Variants in MYOCD observed in about 807,000 individuals in gnomAD.
The protein encoded by MYOCD is myocardin.
A neutral mutation model predicts 96.1 loss-of-function variants in MYOCD; 32 were observed. That is an observed-to-expected ratio of 0.33 (90% CI 0.25 to 0.45). The LOEUF (loss-of-function observed/expected upper bound fraction) is 0.45. Among genes scored for constraint, MYOCD ranks in the 20% least tolerant of loss-of-function variants. The probability of loss-of-function intolerance (pLI) is 1.00; values close to 1 mark genes in which losing one functional copy is unlikely to be tolerated. For synonymous variants in MYOCD, 469 were observed against 469.0 expected (o/e 1.00, Z 0.00); for missense variants, 1,133 against 1,200.6 (o/e 0.94, Z 0.83).
chr17:12,719,625 G>A (rs2031761961), intron 4 of MYOCD, among the ~76,000 whole-genome samples: 1 of 150,972 alleles, frequency 6.6e-6, no homozygotes, highest in Non-Finnish European at 1.5e-5. Context: ...GGCCGAGGCG[G>A]GCGGATCACC....
intron 4 of MYOCD, among the ~76,000 whole-genome samples, chr17:12,720,949 G>T (rs2031813901): frequency 6.6e-6 from 1 of 151,102 alleles, no homozygotes; most frequent in Non-Finnish European, 1.5e-5. Context: ...GTGAACCCGG[G>T]AGGCAGAGCT....
chr17:12,711,468 C>T (rs2031477888), intron 2 of MYOCD, among the ~76,000 whole-genome samples: 1 of 152,208 alleles, frequency 6.6e-6, no homozygotes, highest in Non-Finnish European at 1.5e-5. Flanking sequence ...AAGAATCCTA[C>T]ATGCATTAAT....
chr17:12,752,395 C>G lies in MYOCD; in HGVS notation c.1126-19C>G. The G allele has an allele frequency of 6.3e-7, 1 of 1,582,480 alleles. No individual in the cohort carries two copies. The highest frequency in any genetic ancestry group is 8.6e-7 in the Non-Finnish European group (1 of 1,163,712). ...TATTGTCGTTAAACAGCACACTAAC[C>G]ACATTCTGATTTCTTTAGGTCTCTG... On this transcript the variant is annotated intron_variant, in intron 9 of 13. Transcript: ENST00000425538.
At chr17:12,725,806 T>G (rs2031982909) in intron 5 of MYOCD, among the ~76,000 whole-genome samples, 1 of 152,088 alleles carries the variant, frequency 6.6e-6, no homozygotes, top group African/African-American at 2.4e-5. Context: ...GATGTAGCCT[T>G]TGGTATAGGA....
chr17:12,735,698 G>A (rs530584239), intron 5 of MYOCD, among the ~76,000 whole-genome samples: 6 of 152,264 alleles, frequency 3.9e-5, no homozygotes, highest in African/African-American at 9.6e-5. Flanking sequence ...TAAACATTGC[G>A]TGCTGTGCGC....
chr17:12,700,249 CTTCTAA>C lies in MYOCD; in HGVS notation c.56-4874_56-4869del, dbSNP rs1325039938. 2.0e-5 allele frequency among the ~76,000 whole-genome samples: 3 copies of C among 151,938 alleles called. No homozygotes were observed. In the East Asian group the frequency reaches 5.8e-4, roughly 29 times the overall value. On this transcript the variant is annotated intron_variant, in intron 1 of 13. Coordinates refer to ENST00000425538, the MANE Select transcript of MYOCD (RefSeq NM_001146312.3). ...CTATCCTCCTTCATGTCCCCAAACTCTTCTAATTCTTTTTGTTCAAAGTGTTTTTAA... is the reference window on the plus strand; with the variant it reads ...CTATCCTCCTTCATGTCCCCAAACTCTTCTTTTTGTTCAAAGTGTTTTTAA...
At chr17:12,723,181 C>A (rs1352906988) in intron 5 of MYOCD, among the ~76,000 whole-genome samples, 173 bp downstream of exon 5, 2 of 152,122 alleles carry the variant, frequency 1.3e-5, no homozygotes, top group African/African-American at 4.8e-5. Context: ...GCATTTGTTG[C>A]AATCCCCATT....
Position 12,750,273 on chromosome 17 carries a change from T to G in MYOCD, c.1126-2141T>G, listed in dbSNP as rs2032808059. On this transcript the variant is annotated intron_variant, in intron 9 of 13. Coordinates refer to ENST00000425538, the MANE Select transcript of MYOCD (RefSeq NM_001146312.3). ...TGAGCTCTTGGTAGCATGAAGATTC[T>G]GATTTAGGTCTGGGGAGGGGCCCAA... 2.6e-5 allele frequency among the ~76,000 whole-genome samples: 4 copies of G among 152,220 alleles called. No individual in the cohort carries two copies. In the South Asian group the frequency reaches 8.3e-4, roughly 32 times the overall value.
chr17:12,715,498 G>A (rs1170648141), intron 2 of MYOCD, 21 bp from the exon 3 acceptor site: 7 of 1,611,940 alleles, frequency 4.3e-6, no homozygotes, highest in East Asian at 2.2e-5. Flanking sequence ...CTCCACTCAC[G>A]TTTTTGTGTT....
chr17:12,751,297 A>G (rs1192917706), intron 9 of MYOCD, among the ~76,000 whole-genome samples: 2 of 151,036 alleles, frequency 1.3e-5, no homozygotes, highest in African/African-American at 2.4e-5. Flanking sequence ...GTATATATAT[A>G]TGTACATACA....
rs992002712 is a variant in MYOCD at position 12,766,301 on chromosome 17, A to G, written c.*2657A>G. ...AGTTAGGAGGCCTCTGTACTTCTCC[A>G]GATTGTACCTTTTTATGGGGATCTT... is the stretch of plus-strand genomic sequence containing the variant. On this transcript the variant is annotated 3_prime_UTR_variant, in exon 14 of 14. Transcript: ENST00000425538. 1 of 152,166 alleles carries G rather than the reference A, an allele frequency of 6.6e-6. No homozygotes were observed. The highest frequency in any genetic ancestry group is 2.4e-5 in the African/African-American group (1 of 41,432). The allele number at this position is 152,166 out of a possible 1,614,324, so 9.4% of individuals were successfully genotyped here.
chr17:12,736,549 C>T (rs1192852439), intron 6 of MYOCD, among the ~76,000 whole-genome samples: 1 of 152,058 alleles, frequency 6.6e-6, no homozygotes, highest in African/African-American at 2.4e-5. Flanking sequence ...GAAAGAGAAC[C>T]TCCAGAACTA....
At position 12,692,712 on chromosome 17, in the gene MYOCD, G is replaced by C. The variant is rs577693194; in HGVS notation, c.56-12416G>C. Among the ~76,000 whole-genome samples, 4 of 152,188 alleles carry C rather than the reference G, an allele frequency of 2.6e-5. No individual in the cohort carries two copies. The South Asian group carries it at 8.3e-4, about 32-fold the overall frequency. The stretch of plus-strand genomic sequence containing the variant: ...CTGATATTTCCCTCCTCTTCAACCT[G>C]AAACTCTAAGGAGACCTATACAGCC... On this transcript the variant is annotated intron_variant, in intron 1 of 13. Transcript: ENST00000425538.
intron 7 of MYOCD, among the ~76,000 whole-genome samples, chr17:12,739,759 T>C (rs766768231): frequency 3.7e-4 from 56 of 152,204 alleles, no homozygotes; most frequent in Non-Finnish European, 6.6e-4. Context: ...AGTCTTCCTA[T>C]GGAAATAACC....
chr17:12,669,339 T>G (rs1909557738), intron 1 of MYOCD, among the ~76,000 whole-genome samples: 1 of 152,190 alleles, frequency 6.6e-6, no homozygotes, highest in South Asian at 2.1e-4. Flanking sequence ...ATTGTGTTTC[T>G]TTTGCTTCTC....
chr17:12,700,810 T>C (rs1210782556), intron 1 of MYOCD, among the ~76,000 whole-genome samples: 1 of 152,210 alleles, frequency 6.6e-6, no homozygotes, highest in Non-Finnish European at 1.5e-5. Flanking sequence ...TAAAATGTGT[T>C]ATTTAATGGA....
At position 12,722,910 on chromosome 17, in the gene MYOCD, A is replaced by G. The variant is rs762850197; in HGVS notation, c.317A>G (p.Asp106Gly). 1.3e-5 allele frequency: 21 copies of G among 1,613,964 alleles called. No homozygotes were observed. Among genetic ancestry groups the G allele is most frequent in the Non-Finnish European group, 1.7e-5 (20 of 1,179,960 alleles). Residue 106 changes from aspartate to glycine, a missense_variant, in exon 5 of 14, where the codon GAT becomes GGT. Transcript: ENST00000425538. ...AAGCTGAAAAGAGCCCGACTCGCCG[A>G]TGATCTCAATGAAAAAATTGCTCTA... ...QMKLKRARLA[D>G]DLNEKIALRP... is the part of the protein sequence containing the mutation.
intron 1 of MYOCD, among the ~76,000 whole-genome samples, chr17:12,678,549 A>AGAGAAAACAAAGTTTTGAG (rs1378112805): frequency 2.6e-5 from 4 of 152,176 alleles, no homozygotes; most frequent in Non-Finnish European, 5.9e-5. Flanking sequence ...AGAGAGAGAG[A>AGAGAAAACAAAGTTTTGAG]GAGAAAACAA....
rs765830727 is a variant in MYOCD, at chr17:12,763,540, A to C, written c.2857A>C (p.Ser953Arg). Reference protein sequence around the residue: ...LTPPNSTPGFSALTTSSPSIF... With the variant: ...LTPPNSTPGFRALTTSSPSIF... ...TCCGCCAAATTCCACACCAGGCTTT[A>C]GCGCCCTCACCACCAGCAGCCCCAG... Residue 953 changes from serine (S) to arginine (R), a missense_variant, in exon 14 of 14, where the codon AGC becomes CGC. Transcript: ENST00000425538. 2 of 1,614,174 alleles carry C rather than the reference A, an allele frequency of 1.2e-6. No homozygotes were observed. The highest frequency in any genetic ancestry group is 2.2e-5 in the South Asian group (2 of 91,084).
Sources: allele counts gnomAD v4.1 joint callset (sites outside exome capture counted in the v4.1 genomes callset), GRCh38; gene constraint gnomAD v4.1.1; transcripts MANE v1.5; gene names NCBI Gene and HGNC (gene_info 2026-07-23, HGNC 2026-07-21).